ARIH2: variants seen among roughly 807,000 people sequenced by gnomAD.
ARIH2 encodes the protein E3 ubiquitin-protein ligase ARIH2.
ARIH2 carries 12 observed loss-of-function variants against 79.8 expected under a neutral mutation model. That is an observed-to-expected ratio of 0.15 (90% CI 0.10 to 0.24). The LOEUF is 0.24. ARIH2 is among the 10% of genes least tolerant of loss of function. The pLI, the probability that ARIH2 is intolerant of heterozygous loss-of-function variation, is 1.00. For missense variants in ARIH2, 301 were observed against 618.3 expected, an observed-to-expected ratio of 0.49 and a Z score of 5.44; for synonymous variants, 224 against 213.9, an observed-to-expected ratio of 1.05 and a Z score of -0.41.
chr3:48,974,171 C>T (rs2092388807), intron 9 of ARIH2, among the ~76,000 whole-genome samples: 2 of 152,282 alleles, frequency 1.3e-5, no homozygotes, highest in South Asian at 4.1e-4. Context: ...GTAATGCAAG[C>T]CCAGACCTGC....
intron 13 of ARIH2, among the ~76,000 whole-genome samples, chr3:48,980,744 C>T (rs182889194): frequency 1.5e-4 from 23 of 152,102 alleles, no homozygotes; most frequent in African/African-American, 5.3e-4. Flanking sequence ...GAGCACTTTT[C>T]TTCTCCTTTT....
At chr3:48,944,965 T>C (rs1235074343) in intron 3 of ARIH2, 1 of 453,214 alleles carries the variant, frequency 2.2e-6, no homozygotes, top group Admixed American at 2.9e-5. Context: ...CTACCTTTCT[T>C]CATTTCTGCT....
At chr3:48,932,285 A>C (rs1225657929) in intron 3 of ARIH2, among the ~76,000 whole-genome samples, 1 of 152,202 alleles carries the variant, frequency 6.6e-6, no homozygotes, top group Admixed American at 6.5e-5. Flanking sequence ...ACAAATCACA[A>C]ATGGAATAGT....
rs1263051398 is a variant in ARIH2 at position 48,983,680 on chromosome 3, A to G, written c.*410A>G. 2 of 176,586 alleles carry G rather than the reference A, an allele frequency of 1.1e-5. No homozygotes were observed. Among genetic ancestry groups the G allele is most frequent in the African/African-American group, 2.4e-5 (1 of 41,576 alleles). 10.9% of individuals were successfully genotyped at this position (176,586 alleles called of 1,614,324 possible). ...AAATAAATTGGCATTGGAGTGTTTTACCCTCTAGCTGTTTTACTTAGAATG... is the reference window on the plus strand; with the variant it reads ...AAATAAATTGGCATTGGAGTGTTTTGCCCTCTAGCTGTTTTACTTAGAATG... On this transcript the variant is annotated 3_prime_UTR_variant, in exon 16 of 16. Coordinates refer to ENST00000356401, the MANE Select transcript of ARIH2 (RefSeq NM_006321.4).
chr3:48,924,042 A>T (rs1183233318), intron 2 of ARIH2, among the ~76,000 whole-genome samples: 1 of 152,138 alleles, frequency 6.6e-6, no homozygotes, highest in Non-Finnish European at 1.5e-5. Flanking sequence ...AGGCAGGAGG[A>T]TCTGTTGAGC....
chr3:48,978,461 GTGTGTA>G lies in ARIH2; in HGVS notation c.962-1019_962-1014del, dbSNP rs1385900694. The stretch of plus-strand genomic sequence containing the variant: ...TGTGTGTGTGTGTGTGTGTGTGTGT[GTGTGTA>G]TATATATATATATATATTTTTTTTT... On this transcript the variant is annotated intron_variant, in intron 11 of 15. Coordinates refer to ENST00000356401, the MANE Select transcript of ARIH2 (RefSeq NM_006321.4). Among the ~76,000 whole-genome samples, 54 of 91,828 alleles carry G rather than the reference GTGTGTA, an allele frequency of 5.9e-4. 1 individual carries two copies. Among genetic ancestry groups the G allele is most frequent in the East Asian group, 2.4e-3 (3 of 1,264 alleles). 60.2% of individuals were successfully genotyped at this position (91,828 alleles called of 152,430 possible). A position where few individuals can be genotyped will look rare whatever the true frequency, so the allele number is the denominator to read the frequency against.
chr3:48,957,129 A>G (rs1404083045), intron 3 of ARIH2, among the ~76,000 whole-genome samples: 1 of 152,122 alleles, frequency 6.6e-6, no homozygotes, highest in Non-Finnish European at 1.5e-5. Flanking sequence ...GTTTGTTCTC[A>G]CCAGAACTCA....
chr3:48,966,743 A>C (rs1395372458), intron 5 of ARIH2, among the ~76,000 whole-genome samples: 1 of 152,216 alleles, frequency 6.6e-6, no homozygotes, highest in African/African-American at 2.4e-5. Context: ...GCTGTGCTTA[A>C]CAGGGGTAGT....
chr3:48,967,359 G>C, intron 6 of ARIH2, 84 bp downstream of exon 6: 1 of 1,456,138 alleles, frequency 6.9e-7, no homozygotes, highest in South Asian at 1.3e-5. Context: ...AGTAAACTGA[G>C]TATTTTCTTC....
chr3:48,942,639 C>T (rs1427739804), intron 3 of ARIH2, among the ~76,000 whole-genome samples: 12 of 148,222 alleles, frequency 8.1e-5, no homozygotes, highest in Admixed American at 6.7e-4. Context: ...CCACCATGCC[C>T]GGCTAATTTT....
intron 6 of ARIH2, among the ~76,000 whole-genome samples, chr3:48,967,835 G>A (rs1271701726): frequency 1.3e-5 from 2 of 152,154 alleles, no homozygotes; most frequent in Admixed American, 6.6e-5. Context: ...TAATGGTGCC[G>A]TTAGTGATAC....
chr3:48,970,530 G>A, intron 7 of ARIH2, 65 bp from the exon 8 acceptor site: 1 of 1,043,832 alleles, frequency 9.6e-7, no homozygotes, highest in Non-Finnish European at 1.5e-6. Flanking sequence ...GAATATTCAG[G>A]GGGTTCTGAT....
rs1245723233 is a variant in ARIH2 at position 48,985,525 on chromosome 3, G to A, written c.*2255G>A. ...GTGGTTTATTCACAATAAACTGTAA[G>A]TTTCTGATTATAAAAATGTGTCTAG... On this transcript the variant is annotated 3_prime_UTR_variant, in exon 16 of 16. Transcript: ENST00000356401. 2 of 152,236 alleles carry A rather than the reference G, an allele frequency of 1.3e-5. No homozygotes were observed. The highest frequency in any genetic ancestry group is 2.4e-5 in the African/African-American group (1 of 41,468). 9.4% of individuals were successfully genotyped at this position (152,236 alleles called of 1,614,324 possible). A position where few individuals can be genotyped will look rare whatever the true frequency, so the allele number is the denominator to read the frequency against.
intron 3 of ARIH2, among the ~76,000 whole-genome samples, chr3:48,952,540 C>G (rs955626188): frequency 3.3e-5 from 5 of 152,224 alleles, no homozygotes; most frequent in Middle Eastern, 3.4e-3. Flanking sequence ...AGATGCCTTT[C>G]CATGTGAGTG....
intron 3 of ARIH2, among the ~76,000 whole-genome samples, chr3:48,952,760 G>A (rs745628759): frequency 1.3e-5 from 2 of 152,142 alleles, no homozygotes; most frequent in African/African-American, 2.4e-5. Context: ...AACAGGTGCT[G>A]CAAAAGACAT....
chr3:48,946,475 GA>G (rs1478991955), intron 3 of ARIH2, among the ~76,000 whole-genome samples: 4 of 151,144 alleles, frequency 2.6e-5, no homozygotes, highest in Admixed American at 6.6e-5. Context: ...ACAGACTATA[GA>G]GGATGACAGA....
intron 2 of ARIH2, 50 bp from the exon 3 acceptor site, chr3:48,927,412 C>T: frequency 1.0e-6 from 1 of 999,708 alleles, no homozygotes; most frequent in South Asian, 1.7e-5. Flanking sequence ...GTTTCTGTTA[C>T]AACTTGTCAT....
chr3:48,954,194 G>A (rs1487958746), intron 3 of ARIH2, among the ~76,000 whole-genome samples: 3 of 151,040 alleles, frequency 2.0e-5, no homozygotes, highest in Non-Finnish European at 4.4e-5. Context: ...GGTGGCTCAC[G>A]CCTGTAATCC....
At chr3:48,974,888 T>G (rs752684275) in intron 10 of ARIH2, 21 bp downstream of exon 10, 10 of 1,614,162 alleles carry the variant, frequency 6.2e-6, no homozygotes, top group Non-Finnish European at 8.5e-6. Flanking sequence ...GCCTCTGCAG[T>G]TTGCATGTGT....
Sources: gnomAD v4.1 joint callset for allele counts (sites outside exome capture counted in the v4.1 genomes callset) on GRCh38, gnomAD v4.1.1 for gene constraint, MANE v1.5 for transcripts, NCBI Gene and HGNC (gene_info 2026-07-23, HGNC 2026-07-21) for gene names.